ZNF438: variants seen among roughly 807,000 people sequenced by gnomAD.
ZNF438 encodes the protein zinc finger protein 438.
Under a neutral mutation model 38.0 loss-of-function variants are expected in ZNF438, and 25 were observed. The ratio of observed to expected loss-of-function variants is 0.66; its 90% confidence interval spans 0.48 to 0.92. ZNF438 has a LOEUF of 0.92. Ranked by LOEUF, ZNF438 falls within the 40% of genes least tolerant of loss-of-function variation. The pLI is 0.00. For synonymous variants in ZNF438, 372 were observed against 364.1 expected, an observed-to-expected ratio of 1.02 and a Z score of -0.25; for missense variants, 1,007 against 999.6, an observed-to-expected ratio of 1.01 and a Z score of -0.10.
chr10:30,855,749 A>G (rs1297863011), intron 4 of ZNF438, among the ~76,000 whole-genome samples: 1 of 152,218 alleles, frequency 6.6e-6, no homozygotes, highest in Non-Finnish European at 1.5e-5. Flanking sequence ...GATCTGGAAT[A>G]CTCTCCAAGA....
chr10:30,868,240 T>G (rs979219976), intron 4 of ZNF438, among the ~76,000 whole-genome samples: 2 of 151,988 alleles, frequency 1.3e-5, no homozygotes, highest in Non-Finnish European at 2.9e-5. Flanking sequence ...CAGCTAATGT[T>G]TTGCATTTTT....
At chr10:30,962,139 C>A (rs1220221336) in intron 1 of ZNF438, among the ~76,000 whole-genome samples, 1 of 146,776 alleles carries the variant, frequency 6.8e-6, no homozygotes. Flanking sequence ...TATGCTCTGT[C>A]AACTCCTGCT....
chr10:30,987,340 A>G (rs2052943519), intron 1 of ZNF438, among the ~76,000 whole-genome samples: 1 of 151,922 alleles, frequency 6.6e-6, no homozygotes, highest in African/African-American at 2.4e-5. Context: ...AAAAAACTAA[A>G]ATATTTGTGA....
At chr10:30,854,727 C>A (rs2034320731) in intron 4 of ZNF438, among the ~76,000 whole-genome samples, 1 of 152,154 alleles carries the variant, frequency 6.6e-6, no homozygotes, top group South Asian at 2.1e-4. Flanking sequence ...GGGGCATAAA[C>A]TGAAATAGTC....
At position 30,946,795 on chromosome 10, in the gene ZNF438, T is replaced by C. The variant is rs1261403784; in HGVS notation, c.-191-5144A>G. Among the ~76,000 whole-genome samples, 4 of 152,334 alleles carry C rather than the reference T, an allele frequency of 2.6e-5. No individual in the cohort carries two copies. In the East Asian group the frequency reaches 7.7e-4, roughly 29 times the overall value. Reference sequence around the variant, plus strand: ...CTCCCAATCTGTTCTTGTTCCCTTTTCCCTTTTTTTCCTGCCATATTTGAA... The same window carrying C: ...CTCCCAATCTGTTCTTGTTCCCTTTCCCCTTTTTTTCCTGCCATATTTGAA... On this transcript the variant is annotated intron_variant, in intron 1 of 5. Transcript: ENST00000413025.
At chr10:31,009,706 G>A (rs1438106760) in intron 1 of ZNF438, among the ~76,000 whole-genome samples, 2 of 152,090 alleles carry the variant, frequency 1.3e-5, no homozygotes, top group African/African-American at 4.8e-5. Context: ...TCAACTCAGA[G>A]GAAGCATTAC....
At chr10:30,896,629 A>G (rs1353639427) in intron 3 of ZNF438, among the ~76,000 whole-genome samples, 1 of 151,948 alleles carries the variant, frequency 6.6e-6, no homozygotes, top group Non-Finnish European at 1.5e-5. Flanking sequence ...ACAGCAGAAT[A>G]GTGGTTTCTG....
At chr10:30,977,248 T>A (rs530729924) in intron 1 of ZNF438, among the ~76,000 whole-genome samples, 1 of 152,310 alleles carries the variant, frequency 6.6e-6, no homozygotes, top group South Asian at 2.1e-4. Flanking sequence ...GCAAACAGTA[T>A]AAAGAAAAAC....
At chr10:30,997,269 G>C (rs1401631557) in intron 1 of ZNF438, among the ~76,000 whole-genome samples, 1 of 152,134 alleles carries the variant, frequency 6.6e-6, no homozygotes, top group Non-Finnish European at 1.5e-5. Context: ...TTGGGAATCA[G>C]GTGGTTATTG....
rs3124224 is a variant in ZNF438 at position 30,945,509 on chromosome 10, A to G, written c.-191-3858T>C. ...GCTGGTGCGCTGCACCCACTAACTC[A>G]TCATCTAGCATTAGGTATATCTCCC... On this transcript the variant is annotated intron_variant, in intron 1 of 5. Transcript: ENST00000413025. 1.0e-2 allele frequency among the ~76,000 whole-genome samples: 1,511 copies of G among 151,436 alleles called. 23 individuals are homozygous for G. The highest frequency in any genetic ancestry group is 0.03 in the African/African-American group (1,226 of 41,070).
intron 1 of ZNF438, among the ~76,000 whole-genome samples, chr10:30,978,575 C>G (rs2051707469): frequency 6.6e-6 from 1 of 152,056 alleles, no homozygotes; most frequent in Non-Finnish European, 1.5e-5. Context: ...TAGAACACAA[C>G]CATTATCCCA....
At chr10:30,946,668 C>A (rs2047448563) in intron 1 of ZNF438, among the ~76,000 whole-genome samples, 2 of 152,154 alleles carry the variant, frequency 1.3e-5, no homozygotes, top group African/African-American at 2.4e-5. Context: ...GCTACTTTAT[C>A]CAGCCTGATG....
intron 1 of ZNF438, among the ~76,000 whole-genome samples, chr10:30,946,585 CAT>C (rs2047439316): frequency 6.6e-6 from 1 of 152,200 alleles, no homozygotes; most frequent in Admixed American, 6.5e-5. Flanking sequence ...CCAAAAAACA[CAT>C]GACTCTTTTA....
intron 1 of ZNF438, among the ~76,000 whole-genome samples, chr10:30,987,772 G>C (rs992299179): frequency 1.3e-5 from 2 of 151,530 alleles, no homozygotes; most frequent in African/African-American, 4.8e-5. Flanking sequence ...TGCAAACCAA[G>C]AAGCAGGCCC....
At chr10:30,976,895 T>G (rs949624123) in intron 1 of ZNF438, among the ~76,000 whole-genome samples, 12 of 152,130 alleles carry the variant, frequency 7.9e-5, no homozygotes, top group Non-Finnish European at 1.5e-4. Context: ...AATCAGTGAT[T>G]TACAACTTTA....
intron 1 of ZNF438, among the ~76,000 whole-genome samples, chr10:30,986,879 A>G (rs2052863385): frequency 6.6e-6 from 1 of 152,204 alleles, no homozygotes. Flanking sequence ...GTGAATAATA[A>G]GGGTCAATTC....
At chr10:31,020,743 A>G (rs954889076) in intron 1 of ZNF438, among the ~76,000 whole-genome samples, 6 of 151,816 alleles carry the variant, frequency 4.0e-5, no homozygotes, top group Non-Finnish European at 8.8e-5. Context: ...GTCAAAAACA[A>G]TATTACTTAT....
At chr10:30,982,902 T>C (rs1300706602) in intron 1 of ZNF438, among the ~76,000 whole-genome samples, 1 of 152,168 alleles carries the variant, frequency 6.6e-6, no homozygotes, top group Admixed American at 6.5e-5. Flanking sequence ...ATTACAGAAA[T>C]GGATATGTAA....
intron 1 of ZNF438, among the ~76,000 whole-genome samples, chr10:30,956,508 TTCC>T (rs1364114697): frequency 1.3e-5 from 2 of 152,212 alleles, no homozygotes; most frequent in Non-Finnish European, 2.9e-5. Flanking sequence ...CCAGAACTTA[TTCC>T]TCCTATGTGA....
Sources: allele counts gnomAD v4.1 joint callset (sites outside exome capture counted in the v4.1 genomes callset), GRCh38; gene constraint gnomAD v4.1.1; transcripts MANE v1.5; gene names NCBI Gene and HGNC (gene_info 2026-07-23, HGNC 2026-07-21).